MTFR1: variants seen among roughly 807,000 people sequenced by gnomAD.
MTFR1 encodes the protein chondrocyte protein with a poly-proline region.
MTFR1 carries 28 observed loss-of-function variants against 38.8 expected under a neutral mutation model. The ratio of observed to expected loss-of-function variants is 0.72; its 90% CI spans 0.53 to 0.99. MTFR1 has a LOEUF of 0.99. Among genes scored for constraint, MTFR1 ranks in the 50% least tolerant of loss-of-function variants. The pLI, the probability that MTFR1 is intolerant of heterozygous loss-of-function variation, is 0.00. For synonymous variants in MTFR1, 145 were observed against 137.0 expected, an observed-to-expected ratio of 1.06 and a Z score of -0.41; for missense variants, 358 against 395.5, an observed-to-expected ratio of 0.91 and a Z score of 0.81.
In MTFR1 at chr8:65,670,001, G is replaced by A; in HGVS notation, c.49G>A (p.Gly17Arg). 1 of 1,604,754 alleles carries A rather than the reference G, an allele frequency of 6.2e-7. No individual in the cohort carries two copies. The highest frequency in any genetic ancestry group is 8.5e-7 in the Non-Finnish European group (1 of 1,178,156). The change falls in exon 2 of 8, where the codon GGA (glycine) becomes AGA (arginine). Residue 17 changes from glycine (G) to arginine (R), a missense_variant. Coordinates refer to ENST00000262146, the MANE Select transcript of MTFR1 (RefSeq NM_014637.4). ...AATTAGGATGGTTTTTCAACAAGTT[G>A]GAGTAAGCATGCAATCGGTGAGTGC... The part of the protein sequence containing the change: ...RLIRMVFQQV[G>R]VSMQSVLWSR...
chr8:65,655,290 A>G (rs1809225200), intron 1 of MTFR1, among the ~76,000 whole-genome samples: 1 of 152,220 alleles, frequency 6.6e-6, no homozygotes, highest in South Asian at 2.1e-4. Context: ...TTTTATATCT[A>G]AATTGCATTA....
chr8:65,708,005 A>C lies in MTFR1; in HGVS notation c.927A>C (p.Arg309Ser). The C allele has an allele frequency of 6.2e-7, 1 of 1,611,716 alleles. No individual in the cohort carries two copies. The change falls in exon 7 of 8, where the codon AGA becomes AGC. Residue 309 changes from arginine to serine, a missense_variant. Arg to Ser is a moderately radical substitution (Grantham distance 110, BLOSUM62 -1). Transcript: ENST00000262146. ...PKSESEATSE[R>S]VLFGPHMLKP... ...CTGAATCAGAGGCCACCTCAGAGAG[A>C]GTGTTGGTGAGTTATTTGCCCAGAT...
At chr8:65,751,268 C>T (rs1036637800) in intron 3 of MTFR1, among the ~76,000 whole-genome samples, 24 of 152,158 alleles carry the variant, frequency 1.6e-4, no homozygotes, top group African/African-American at 5.8e-4. Flanking sequence ...AGGACCAGAA[C>T]TTTCGGGGGA....
chr8:65,725,003 G>A (rs904217878), intron 3 of MTFR1: 20 of 858,398 alleles, frequency 2.3e-5, no homozygotes, highest in African/African-American at 1.4e-4. Context: ...CATAATAATC[G>A]GAAGGCTTTA....
At chr8:65,726,969 A>T in intron 3 of MTFR1, 1 of 1,529,478 alleles carries the variant, frequency 6.5e-7, no homozygotes, top group Non-Finnish European at 9.1e-7. Context: ...GAGGTATTCT[A>T]CAACAAAGGA....
chr8:65,703,234 A>T (rs1401997713), intron 4 of MTFR1, among the ~76,000 whole-genome samples: 2 of 151,662 alleles, frequency 1.3e-5, no homozygotes, highest in Non-Finnish European at 2.9e-5. Flanking sequence ...AAAAGAAAAA[A>T]ATTAGCCAGG....
rs542517880 is a variant in MTFR1, at chr8:65,759,601, A to G, written c.*49-11346A>G. 4.6e-5 allele frequency among the ~76,000 whole-genome samples: 7 copies of G among 152,356 alleles called. No homozygotes were observed. The East Asian group carries it at 1.3e-3, about 29-fold the overall frequency. On this transcript the variant is annotated intron_variant, in intron 3 of 3. Transcript: ENST00000521247. ...TCCAATCAGGGCCCAGAATGCTGAA[A>G]TAGTTGATTCTGGTCATTTTTTCTA... is the stretch of plus-strand genomic sequence containing the variant.
intron 3 of MTFR1, among the ~76,000 whole-genome samples, chr8:65,746,193 G>A (rs997426392): frequency 1.3e-5 from 2 of 150,682 alleles, no homozygotes; most frequent in African/African-American, 4.9e-5. Flanking sequence ...CTTGGCCTCC[G>A]AACGTGCTAG....
chr8:65,777,348 G>C, the MTFR1 span, among the ~76,000 whole-genome samples: 4 of 151,878 alleles, frequency 2.6e-5, no homozygotes, highest in African/African-American at 9.7e-5. Context: ...CAAAGTGCTG[G>C]GATTACAAGC....
chr8:65,652,730 T>C (rs896375280), intron 1 of MTFR1, among the ~76,000 whole-genome samples: 8 of 152,282 alleles, frequency 5.3e-5, no homozygotes, highest in Middle Eastern at 3.2e-3. Context: ...GTAACTTTAC[T>C]GAATTTATCA....
At chr8:65,772,044 T>C (rs958037590), downstream of MTFR1, among the ~76,000 whole-genome samples, 2 of 151,898 alleles carry the variant, frequency 1.3e-5, no homozygotes, top group African/African-American at 2.4e-5. Context: ...AAGAGATGAA[T>C]AGAATAGGCT....
At chr8:65,648,260 G>A (rs1162729976) in intron 1 of MTFR1, among the ~76,000 whole-genome samples, 3 of 151,860 alleles carry the variant, frequency 2.0e-5, no homozygotes, top group Non-Finnish European at 2.9e-5. Context: ...CTCGTGATTC[G>A]CCCACCTCGG....
chr8:65,699,059 GT>G (rs1228402876), intron 4 of MTFR1, among the ~76,000 whole-genome samples: 2 of 152,104 alleles, frequency 1.3e-5, no homozygotes, highest in Non-Finnish European at 2.9e-5. Context: ...TGCACTCAGT[GT>G]TTAGCTCTCA....
chr8:65,763,045 T>C (rs1163656121), intron 3 of MTFR1, among the ~76,000 whole-genome samples: 2 of 149,980 alleles, frequency 1.3e-5, no homozygotes, highest in South Asian at 2.1e-4. Context: ...GTGTATAAAA[T>C]GAATATACAG....
intron 3 of MTFR1, chr8:65,682,909 C>T (rs1804946154): frequency 4.1e-6 from 4 of 985,206 alleles, no homozygotes; most frequent in Non-Finnish European, 4.8e-6. Flanking sequence ...ATTATAGGAT[C>T]CATTGCCTTG....
At chr8:65,686,339 A>G (rs1348646633) in intron 3 of MTFR1, among the ~76,000 whole-genome samples, 4 of 152,162 alleles carry the variant, frequency 2.6e-5, no homozygotes, top group East Asian at 1.9e-4. Flanking sequence ...TGGGAGGCCA[A>G]TGCGGGTGGA....
intron 2 of MTFR1, among the ~76,000 whole-genome samples, chr8:65,716,193 T>C (rs1806139334): frequency 1.3e-5 from 2 of 150,008 alleles, no homozygotes; most frequent in Admixed American, 1.3e-4. Flanking sequence ...GATTCCCACA[T>C]ATACATAATA....
At chr8:65,742,393 A>T (rs1807481135) in intron 3 of MTFR1, among the ~76,000 whole-genome samples, 1 of 152,176 alleles carries the variant, frequency 6.6e-6, no homozygotes, top group Non-Finnish European at 1.5e-5. Context: ...ATCCTACAAA[A>T]GGAACTCCAA....
intron 2 of MTFR1, among the ~76,000 whole-genome samples, chr8:65,677,659 C>T (rs1320849235): frequency 6.6e-6 from 1 of 151,458 alleles, no homozygotes; most frequent in Non-Finnish European, 1.5e-5. Context: ...GGATTACAGG[C>T]GTGAGCCACC....
Sources: gnomAD v4.1 joint callset for allele counts (sites outside exome capture counted in the v4.1 genomes callset) on GRCh38, gnomAD v4.1.1 for gene constraint, MANE v1.5 for transcripts, NCBI Gene and HGNC (gene_info 2026-07-23, HGNC 2026-07-21) for gene names.